CADPS: variants seen among roughly 807,000 people sequenced by gnomAD.
CADPS encodes the protein calcium dependent secretion activator.
Under a neutral mutation model 167.3 loss-of-function variants are expected in CADPS, and 57 were observed. The ratio of observed to expected loss-of-function variants is 0.34; its 90% CI spans 0.28 to 0.42. The LOEUF (loss-of-function observed/expected upper bound fraction) is 0.42, where lower values mean the gene tolerates loss of function less well. Among genes scored for constraint, CADPS ranks in the 20% least tolerant of loss-of-function variants. CADPS has a pLI of 1.00. For synonymous variants in CADPS, 676 were observed against 635.3 expected, an observed-to-expected ratio of 1.06 and a Z score of -0.96; for missense variants, 1,414 against 1,738.1, an observed-to-expected ratio of 0.81 and a Z score of 3.32.
rs1156787701 is a variant in CADPS, at chr3:62,455,141, C to G, written c.3637-9344G>C. Among the ~76,000 whole-genome samples, 2 of 123,414 alleles carry G rather than the reference C, an allele frequency of 1.6e-5. No homozygotes were observed. Among genetic ancestry groups the G allele is most frequent in the Admixed American group, 1.9e-4 (2 of 10,356 alleles). 81.0% of individuals were successfully genotyped at this position (123,414 alleles called of 152,430 possible). A position where few individuals can be genotyped will look rare whatever the true frequency, so the allele number is the denominator to read the frequency against. On this transcript the variant is annotated intron_variant, in intron 26 of 29. Transcript: ENST00000383710. This position sits in a 1 kb window ranked among gnomAD's most constrained non-coding sequence, Gnocchi z 4.4. Reference sequence around the variant, plus strand: ...CTCATCTCCCCCCACCCCCCACCCCCTGGGGCTTCTGAACAGATGCCTGAT... The same window carrying G: ...CTCATCTCCCCCCACCCCCCACCCCGTGGGGCTTCTGAACAGATGCCTGAT...
chr3:62,565,894 T>G (rs2080079830), intron 9 of CADPS, among the ~76,000 whole-genome samples: 1 of 152,200 alleles, frequency 6.6e-6, no homozygotes, highest in South Asian at 2.1e-4. Context: ...TTGTTACACG[T>G]TATAAGCAAA....
intron 26 of CADPS, among the ~76,000 whole-genome samples, chr3:62,447,706 G>T (rs1284465347): frequency 6.6e-6 from 1 of 152,184 alleles, no homozygotes; most frequent in East Asian, 1.9e-4. Flanking sequence ...GTATAGAAAG[G>T]TGACTGCCTG....
intron 1 of CADPS, among the ~76,000 whole-genome samples, chr3:62,855,482 G>T (rs1018383601): frequency 6.6e-6 from 1 of 151,968 alleles, no homozygotes; most frequent in African/African-American, 2.4e-5. Context: ...GGAATTAGAA[G>T]AAAAGGTAAA....
At chr3:62,431,731 G>T (rs926653620) in intron 28 of CADPS, among the ~76,000 whole-genome samples, 5 of 151,880 alleles carry the variant, frequency 3.3e-5, no homozygotes, top group Admixed American at 6.6e-5. Flanking sequence ...CAGCTGTAAA[G>T]AATATTTTGG....
intron 28 of CADPS, among the ~76,000 whole-genome samples, chr3:62,430,111 T>G (rs1190223917): frequency 6.6e-6 from 1 of 152,196 alleles, no homozygotes; most frequent in Non-Finnish European, 1.5e-5. Context: ...TTCTTTTGGA[T>G]AGTAATAACC....
chr3:62,406,024 C>A (rs1195830593), intron 28 of CADPS, among the ~76,000 whole-genome samples: 1 of 152,200 alleles, frequency 6.6e-6, no homozygotes, highest in African/African-American at 2.4e-5. Context: ...CAATGTCACA[C>A]AGTGAGTGCC....
chr3:62,771,651 T>G (rs538248932), intron 1 of CADPS, among the ~76,000 whole-genome samples: 1 of 152,210 alleles, frequency 6.6e-6, no homozygotes, highest in South Asian at 2.1e-4. Context: ...AGAAACCACT[T>G]GTACATCAAG....
At chr3:62,703,926 G>A (rs904192256) in intron 3 of CADPS, among the ~76,000 whole-genome samples, 5 of 152,106 alleles carry the variant, frequency 3.3e-5, no homozygotes, top group African/African-American at 7.3e-5. Context: ...CTGTAATAGG[G>A]TGTCCACAAA....
At chr3:62,459,621 A>C (rs2059098456) in intron 26 of CADPS, among the ~76,000 whole-genome samples, 1 of 152,146 alleles carries the variant, frequency 6.6e-6, no homozygotes. Flanking sequence ...CTCCCAGATG[A>C]GGTTGGGTCC....
intron 3 of CADPS, among the ~76,000 whole-genome samples, chr3:62,701,347 A>G (rs1030104822): frequency 6.6e-6 from 1 of 152,108 alleles, no homozygotes; most frequent in African/African-American, 2.4e-5. Context: ...ATGGGCTGAA[A>G]GCCACCCCAC....
At chr3:62,673,257 G>C (rs1471499853) in intron 3 of CADPS, among the ~76,000 whole-genome samples, 2 of 152,188 alleles carry the variant, frequency 1.3e-5, no homozygotes, top group South Asian at 4.1e-4. Flanking sequence ...AGGAGTTAAG[G>C]TGATGTTTTT....
At position 62,753,789 on chromosome 3, in the gene CADPS, G is replaced by T. The variant is rs2083242243; in HGVS notation, c.556-16C>A. 1 of 1,602,520 alleles carries T rather than the reference G, an allele frequency of 6.2e-7. No homozygotes were observed. Among genetic ancestry groups the T allele is most frequent in the Non-Finnish European group, 8.5e-7 (1 of 1,173,248 alleles). ...TCAGGAACACCTGAGCAAGAACAAG[G>T]CCAGGAAAGACAGTAGGAGAGTTTA... is the stretch of plus-strand genomic sequence containing the variant. On this transcript the variant is annotated splice_polypyrimidine_tract_variant and intron_variant, in intron 2 of 29. Transcript: ENST00000383710. The surrounding 1 kb of genome is among the most constrained non-coding windows in gnomAD (Gnocchi z 4.6).
intron 8 of CADPS, among the ~76,000 whole-genome samples, chr3:62,581,312 A>G (rs1194189077): frequency 6.6e-6 from 1 of 152,112 alleles, no homozygotes; most frequent in Non-Finnish European, 1.5e-5. Flanking sequence ...CCCTAAAACC[A>G]TAATTATTTT....
At chr3:62,615,425 C>G (rs1383729463) in intron 6 of CADPS, among the ~76,000 whole-genome samples, 4 of 152,196 alleles carry the variant, frequency 2.6e-5, no homozygotes, top group Non-Finnish European at 5.9e-5. Context: ...AAAGCATCAG[C>G]TGAGTGCTTA....
At chr3:62,835,639 C>G (rs2075788348) in intron 1 of CADPS, among the ~76,000 whole-genome samples, 1 of 152,104 alleles carries the variant, frequency 6.6e-6, no homozygotes, top group Non-Finnish European at 1.5e-5. Flanking sequence ...GCTACATGAA[C>G]CTCAAAGAGG....
At chr3:62,739,853 G>A in intron 3 of CADPS, among the ~76,000 whole-genome samples, 1 of 152,216 alleles carries the variant, frequency 6.6e-6, no homozygotes, top group East Asian at 1.9e-4. Flanking sequence ...TAGGACAGTT[G>A]CCACAGTAAA....
intron 23 of CADPS, among the ~76,000 whole-genome samples, 189 bp from the exon 24 acceptor site, chr3:62,474,509 T>A (rs945178809): frequency 1.3e-5 from 2 of 152,154 alleles, no homozygotes; most frequent in Non-Finnish European, 2.9e-5. Context: ...GAGACAGACA[T>A]GCACACCCTT....
intron 1 of CADPS, among the ~76,000 whole-genome samples, chr3:62,774,834 T>A (rs1011806913): frequency 6.6e-6 from 1 of 152,124 alleles, no homozygotes; most frequent in Admixed American, 6.6e-5. Flanking sequence ...TGAGAGATAT[T>A]GTAATAGCCT....
chr3:62,632,938 A>G (rs1180881164), intron 6 of CADPS, among the ~76,000 whole-genome samples: 1 of 152,134 alleles, frequency 6.6e-6, no homozygotes, highest in Non-Finnish European at 1.5e-5. Flanking sequence ...CCCAGTTCAC[A>G]TCTGTACATC....
Sources: gnomAD v4.1 joint callset for allele counts (sites outside exome capture counted in the v4.1 genomes callset) on GRCh38, gnomAD v4.1.1 for gene constraint, Gnocchi (gnomAD v3.1) non-coding constraint, MANE v1.5 for transcripts, NCBI Gene and HGNC (gene_info 2026-07-23, HGNC 2026-07-21) for gene names.